Variants in MACROD2 observed in about 807,000 individuals in gnomAD.
The protein encoded by MACROD2 is ADP-ribose glycohydrolase MACROD2.
Under a neutral mutation model 70.4 loss-of-function variants are expected in MACROD2, and 36 were observed. The ratio of observed to expected loss-of-function variants is 0.51; its 90% CI spans 0.39 to 0.68. The LOEUF is 0.68. Ranked by LOEUF, MACROD2 falls within the 30% of genes least tolerant of loss-of-function variation. The pLI, the probability that MACROD2 is intolerant of heterozygous loss-of-function variation, is 0.00. For missense variants in MACROD2, 496 were observed against 538.4 expected (o/e 0.92, Z 0.78); for synonymous variants, 172 against 178.8 (o/e 0.96, Z 0.30).
intron 3 of MACROD2, among the ~76,000 whole-genome samples, chr20:14,349,749 A>G (rs1212585900): frequency 2.7e-5 from 4 of 150,118 alleles, no homozygotes; most frequent in African/African-American, 4.9e-5. Context: ...GGCTTATTTC[A>G]TGTAATATAA....
chr20:14,327,485 T>C lies in MACROD2; in HGVS notation c.272-165994T>C, dbSNP rs1233573225. ...CCAATTTTAGTCCCGATGAGGAAGATGCTCCAGGCTGCGCTGATCATGGTC... is the reference window on the plus strand; with the variant it reads ...CCAATTTTAGTCCCGATGAGGAAGACGCTCCAGGCTGCGCTGATCATGGTC... On this transcript the variant is annotated intron_variant, in intron 3 of 17. Coordinates refer to ENST00000684519, the MANE Select transcript of MACROD2 (RefSeq NM_001351661.2). 4 of 1,612,982 alleles carry C rather than the reference T, an allele frequency of 2.5e-6. No homozygotes were observed. The South Asian group carries it at 3.3e-5, about 13-fold the overall frequency.
intron 6 of MACROD2, among the ~76,000 whole-genome samples, chr20:15,277,482 G>A (rs1349768774): frequency 2.0e-5 from 3 of 152,210 alleles, no homozygotes; most frequent in African/African-American, 7.2e-5. Context: ...TTCTTAAATA[G>A]GTTGCTATAA....
intron 8 of MACROD2, among the ~76,000 whole-genome samples, chr20:15,717,726 T>C (rs1476077058): frequency 1.3e-5 from 2 of 152,000 alleles, no homozygotes; most frequent in African/African-American, 2.4e-5. Context: ...GACCCTTGCA[T>C]TGGGTGAATG....
intron 5 of MACROD2, among the ~76,000 whole-genome samples, chr20:14,909,173 T>A (rs1483228477): frequency 1.3e-5 from 2 of 152,160 alleles, no homozygotes; most frequent in Non-Finnish European, 2.9e-5. Flanking sequence ...GTGGAGCTTG[T>A]TCCCTAAATC....
At chr20:15,121,315 C>T (rs1428019153) in intron 5 of MACROD2, among the ~76,000 whole-genome samples, 2 of 151,970 alleles carry the variant, frequency 1.3e-5, no homozygotes, top group Non-Finnish European at 2.9e-5. Context: ...AATTCGAGAC[C>T]AGCCTGGCCA....
chr20:14,810,813 A>G (rs560754049), intron 5 of MACROD2, among the ~76,000 whole-genome samples: 1 of 152,266 alleles, frequency 6.6e-6, no homozygotes, highest in South Asian at 2.1e-4. Flanking sequence ...CAGAGAGCCA[A>G]TTCACGAGCA....
intron 8 of MACROD2, among the ~76,000 whole-genome samples, chr20:15,578,903 T>C (rs2048486270): frequency 6.6e-6 from 1 of 152,208 alleles, no homozygotes; most frequent in Admixed American, 6.5e-5. Context: ...ACATAGAAGA[T>C]AGACAGATAA....
At chr20:15,621,297 T>A (rs760935918) in intron 8 of MACROD2, among the ~76,000 whole-genome samples, 4 of 152,202 alleles carry the variant, frequency 2.6e-5, no homozygotes, top group Non-Finnish European at 4.4e-5. Context: ...GCATTGCATA[T>A]TGGCCTCAAA....
chr20:14,578,634 G>A (rs1980778639), intron 4 of MACROD2, among the ~76,000 whole-genome samples: 1 of 152,082 alleles, frequency 6.6e-6, no homozygotes, highest in South Asian at 2.1e-4. Context: ...TTTTATCAAA[G>A]TTTTTAGTGT....
At chr20:15,653,048 T>C (rs1461964761) in intron 8 of MACROD2, among the ~76,000 whole-genome samples, 6 of 152,182 alleles carry the variant, frequency 3.9e-5, no homozygotes, top group East Asian at 1.9e-4. Context: ...AGATAATACA[T>C]TAGAAAAGAC....
chr20:14,114,826 A>G (rs2054495717), intron 3 of MACROD2, among the ~76,000 whole-genome samples: 2 of 152,328 alleles, frequency 1.3e-5, no homozygotes, highest in Non-Finnish European at 1.5e-5. Flanking sequence ...TTGATTGGAT[A>G]TGTCAGGAAA....
intron 6 of MACROD2, among the ~76,000 whole-genome samples, chr20:15,387,288 G>C (rs1177372017): frequency 6.6e-6 from 1 of 152,038 alleles, no homozygotes; most frequent in Non-Finnish European, 1.5e-5. Context: ...AGGTCACCTA[G>C]GTTTAATCAT....
At chr20:15,189,482 C>T (rs1202173729) in intron 5 of MACROD2, among the ~76,000 whole-genome samples, 1 of 152,044 alleles carries the variant, frequency 6.6e-6, no homozygotes, top group Non-Finnish European at 1.5e-5. Context: ...GTTTGTTTCC[C>T]TTGGTTTCAC....
At chr20:14,401,925 G>A (rs1239622685) in intron 3 of MACROD2, among the ~76,000 whole-genome samples, 2 of 152,022 alleles carry the variant, frequency 1.3e-5, no homozygotes, top group East Asian at 1.9e-4. Flanking sequence ...ACAAATTGAA[G>A]TGCCATCCAC....
chr20:14,134,412 T>C (rs2054762349), intron 3 of MACROD2, among the ~76,000 whole-genome samples: 1 of 152,256 alleles, frequency 6.6e-6, no homozygotes, highest in Non-Finnish European at 1.5e-5. Flanking sequence ...CACTGAGAGA[T>C]ATTTTAGAAG....
chr20:14,402,596 T>A (rs528720557), intron 3 of MACROD2, among the ~76,000 whole-genome samples: 1 of 152,220 alleles, frequency 6.6e-6, no homozygotes, highest in Admixed American at 6.5e-5. Context: ...CCAGAAATGT[T>A]ATGATAGTTT....
At chr20:16,034,286 G>A (rs111484285) in intron 15 of MACROD2, among the ~76,000 whole-genome samples, 2,959 of 152,058 alleles carry the variant, frequency 0.019, 52 homozygotes, top group Middle Eastern at 0.037. Context: ...ATAGTGTACC[G>A]TGGACTCAGC....
At chr20:15,307,385 G>A (rs977724807) in intron 6 of MACROD2, among the ~76,000 whole-genome samples, 1 of 152,130 alleles carries the variant, frequency 6.6e-6, no homozygotes, top group Non-Finnish European at 1.5e-5. Flanking sequence ...TACAGAAAAT[G>A]TTCAAAAATA....
intron 5 of MACROD2, among the ~76,000 whole-genome samples, chr20:15,124,303 T>C (rs1262818733): frequency 6.6e-6 from 1 of 151,772 alleles, no homozygotes; most frequent in Non-Finnish European, 1.5e-5. Flanking sequence ...AGATATGTTA[T>C]TTAAAGATTT....
Sources: gnomAD v4.1 joint callset for allele counts (sites outside exome capture counted in the v4.1 genomes callset) on GRCh38, gnomAD v4.1.1 for gene constraint, MANE v1.5 for transcripts, NCBI Gene and HGNC (gene_info 2026-07-23, HGNC 2026-07-21) for gene names.